The following FKBP10 variants were observed in gnomAD, a reference collection of about 807,000 sequenced individuals.
FKBP10 encodes FKBP prolyl isomerase 10.
FKBP10 carries 34 observed loss-of-function variants against 53.7 expected under a neutral mutation model. The observed-to-expected ratio is 0.63, with a 90% CI of 0.48 to 0.84. FKBP10 has a LOEUF of 0.84. Among genes scored for constraint, FKBP10 ranks in the 40% least tolerant of loss-of-function variants. The pLI is 0.00. For synonymous variants in FKBP10, 324 were observed against 335.7 expected (o/e 0.97, Z 0.38); for missense variants, 748 against 797.8 (o/e 0.94, Z 0.75).
At chr17:41,822,073 C>T (rs1000517853) in intron 9 of FKBP10, 150 bp from the exon 10 acceptor site, 3 of 868,022 alleles carry the variant, frequency 3.5e-6, no homozygotes, top group Middle Eastern at 6.3e-4. Context: ...AGCACCAGTG[C>T]CTTTCCCAGC....
chr17:41,814,778 G>A (rs538952990), intron 1 of FKBP10, among the ~76,000 whole-genome samples: 3 of 152,146 alleles, frequency 2.0e-5, no homozygotes, highest in Non-Finnish European at 4.4e-5. Context: ...TCACTCTGTC[G>A]CCCAGGCTGG....
chr17:41,817,065 C>T lies in FKBP10; in HGVS notation c.253C>T (p.Arg85Cys), dbSNP rs150313949. The T allele has an allele frequency of 3.8e-5, 62 of 1,613,938 alleles. No homozygotes were observed. The highest frequency in any genetic ancestry group is 4.9e-5 in the Non-Finnish European group (58 of 1,180,040). The change falls in exon 2 of 10, where the codon CGC becomes TGC. Residue 85 changes from arginine to cysteine, a missense_variant. Arg to Cys is a radical substitution (Grantham distance 180). Transcript: ENST00000321562. ...CTGTCCCTCCCCCCCCAGCTATGATCGCAACACCTTGGTGGCCATCGTGGT... is the reference window on the plus strand; with the variant it reads ...CTGTCCCTCCCCCCCCAGCTATGATTGCAACACCTTGGTGGCCATCGTGGT... ...DGKKFDSSYD[R>C]NTLVAIVVGV...
intron 9 of FKBP10, 101 bp from the exon 10 acceptor site, chr17:41,822,122 A>C: frequency 8.3e-7 from 1 of 1,205,572 alleles, no homozygotes; most frequent in Non-Finnish European, 1.2e-6. Flanking sequence ...CCTGGGAAAA[A>C]AGAAGAAAAA....
Position 41,821,012 on chromosome 17 carries a change from C to G in FKBP10, c.1322C>G (p.Thr441Arg). The G allele has an allele frequency of 1.2e-6, 2 of 1,606,566 alleles. No homozygotes were observed. Among genetic ancestry groups the G allele is most frequent in the Non-Finnish European group, 1.7e-6 (2 of 1,176,870 alleles). ...AACAAGGTGATCGAAGGCCTGGACA[C>G]GGGCCTGCAGGGCATGTGTGTGGGA... is the stretch of plus-strand genomic sequence containing the variant. The part of the protein sequence containing the change: ...GANKVIEGLD[T>R]GLQGMCVGER... Residue 441 changes from threonine (T) to arginine (R), a missense_variant, in exon 8 of 10, where the codon ACG becomes AGG. Coordinates refer to ENST00000321562, the MANE Select transcript of FKBP10 (RefSeq NM_021939.4).
At position 41,813,231 on chromosome 17, in the gene FKBP10, G is replaced by A. The variant is rs1239666134; in HGVS notation, c.197G>A (p.Arg66His). 2 of 1,613,640 alleles carry A rather than the reference G, an allele frequency of 1.2e-6. No homozygotes were observed. The highest frequency in any genetic ancestry group is 1.7e-5 in the Admixed American group (1 of 60,008). Residue 66 changes from arginine (R) to histidine (H), a missense_variant, in exon 1 of 10, where the codon CGC (arginine) becomes CAC (histidine). Transcript: ENST00000321562. Reference protein sequence around the residue: ...PREVQMGDFVRYHYNGTFEDG... With the variant: ...PREVQMGDFVHYHYNGTFEDG... ...GAAGTGCAGATGGGGGATTTTGTGCGCTACCACTACAACGGCACTTTTGAA... is the reference window on the plus strand; with the variant it reads ...GAAGTGCAGATGGGGGATTTTGTGCACTACCACTACAACGGCACTTTTGAA...
intron 1 of FKBP10, among the ~76,000 whole-genome samples, chr17:41,815,331 C>A (rs1471010963): frequency 1.3e-5 from 2 of 150,944 alleles, no homozygotes; most frequent in Non-Finnish European, 3.0e-5. Context: ...CTTAATTTTT[C>A]ATATTTTAGT....
chr17:41,816,993 G>T, intron 1 of FKBP10, 65 bp from the exon 2 acceptor site: 1 of 1,611,304 alleles, frequency 6.2e-7, no homozygotes, highest in Non-Finnish European at 8.5e-7. Context: ...CTGTGCATCT[G>T]TGCCACCATG....
At position 41,822,394 on chromosome 17, in the gene FKBP10, C is replaced by T. The variant is rs1555617395; in HGVS notation, c.1735C>T (p.His579Tyr). ...LKSDEDEERVHEEL is the reference protein window; with the variant it reads ...LKSDEDEERVYEEL ...GTCAGATGAGGACGAGGAGCGGGTCCACGAGGAGCTCTGAGGGGCAGGGAG... is the reference window on the plus strand; with the variant it reads ...GTCAGATGAGGACGAGGAGCGGGTCTACGAGGAGCTCTGAGGGGCAGGGAG... Residue 579 changes from histidine (H) to tyrosine (Y), a missense_variant, in exon 10 of 10, where the codon CAC becomes TAC. Physicochemically the swap from His to Tyr is moderately conservative, Grantham distance 83. Coordinates refer to ENST00000321562, the MANE Select transcript of FKBP10 (RefSeq NM_021939.4). The T allele has an allele frequency of 6.2e-7, 1 of 1,607,122 alleles. No individual in the cohort carries two copies. The highest frequency in any genetic ancestry group is 1.3e-5 in the African/African-American group (1 of 74,824).
Position 41,818,210 on chromosome 17 carries a change from C to T in FKBP10, c.513C>T (p.Val171=), listed in dbSNP as rs1567854408. 6.2e-7 allele frequency: 1 copy of T among 1,613,602 alleles called. No individual in the cohort carries two copies. Among genetic ancestry groups the T allele is most frequent in the Non-Finnish European group, 8.5e-7 (1 of 1,180,018 alleles). The change falls in exon 3 of 10, where the codon GTC becomes GTT. Residue 171 remains valine, a synonymous_variant. Transcript: ENST00000321562. ...LLRPPHCPRM[V]QDGDFVRYHY... ...GCCCGCCCCACTGCCCCCGCATGGTCCAGGACGGCGACTTTGTCCGCTACC... is the reference window on the plus strand; with the variant it reads ...GCCCGCCCCACTGCCCCCGCATGGTTCAGGACGGCGACTTTGTCCGCTACC...
chr17:41,820,625 G>A lies in FKBP10; in HGVS notation c.1256+164G>A, dbSNP rs35114175. The A allele has an allele frequency of 0.15, 110,927 of 763,754 alleles. 8,933 individuals carry two copies. The highest frequency in any genetic ancestry group is 0.16 in the East Asian group (6,150 of 39,090). The allele number at this position is 763,754 out of a possible 1,614,324, so 47.3% of individuals were successfully genotyped here. A position where few individuals can be genotyped will look rare whatever the true frequency, so the allele number is the denominator to read the frequency against. On this transcript the variant is annotated intron_variant, in intron 7 of 9. Coordinates refer to ENST00000321562, the MANE Select transcript of FKBP10 (RefSeq NM_021939.4). ...GTAAGTCCCCATCTCGGAGCATGTCGAGGAGATGAAATTCTCTGCTTCGCA... is the reference window on the plus strand; with the variant it reads ...GTAAGTCCCCATCTCGGAGCATGTCAAGGAGATGAAATTCTCTGCTTCGCA...
intron 1 of FKBP10, among the ~76,000 whole-genome samples, chr17:41,816,754 G>T (rs1043129513): frequency 1.3e-5 from 2 of 152,182 alleles, no homozygotes; most frequent in African/African-American, 2.4e-5. Context: ...CCCACTTGCT[G>T]TCAGCAAATA....
rs116142981 is a variant in FKBP10 at position 41,820,342 on chromosome 17, G to A, written c.1137G>A (p.Val379=). ...HVIDFHNPAD[V]VEIRTLSRPS... ...TTGACTTCCACAACCCTGCGGATGT[G>A]GTGGAAATCAGGACACTGTCCCGGC... is the stretch of plus-strand genomic sequence containing the variant. The change falls in exon 7 of 10, where the codon GTG becomes GTA. Residue 379 remains valine (V), a synonymous_variant. Coordinates refer to ENST00000321562, the MANE Select transcript of FKBP10 (RefSeq NM_021939.4). The A allele has an allele frequency of 2.4e-4, 395 of 1,614,186 alleles. 4 individuals are homozygous for A. In the African/African-American group the frequency reaches 4.6e-3, roughly 19 times the overall value.
chr17:41,820,133 A>C, intron 6 of FKBP10, 136 bp from the exon 7 acceptor site: 9 of 1,251,788 alleles, frequency 7.2e-6, no homozygotes, highest in Non-Finnish European at 1.0e-5. Flanking sequence ...TTGACTCTGG[A>C]CAAACATCCC....
At chr17:41,815,776 G>T (rs2047808286) in intron 1 of FKBP10, among the ~76,000 whole-genome samples, 1 of 63,392 alleles carries the variant, frequency 1.6e-5, no homozygotes, top group Admixed American at 2.1e-4. Context: ...TTAACCCATG[G>T]CCCCTTCAAT....
Position 41,819,867 on chromosome 17 carries a change from G to A in FKBP10, c.1063+192G>A, listed in dbSNP as rs147015741. 3.2e-4 allele frequency: 486 copies of A among 1,540,754 alleles called. 2 individuals carry two copies. In the African/African-American group the frequency reaches 5.8e-3, roughly 18 times the overall value. ...CTCCATCGGTTTCCTCCAGGGCAGC[G>A]CCCCACTTCGCCCCTTCCGCAGTGG... On this transcript the variant is annotated intron_variant, in intron 6 of 9. Transcript: ENST00000321562.
intron 2 of FKBP10, among the ~76,000 whole-genome samples, chr17:41,817,599 T>G (rs2047832308): frequency 6.6e-6 from 1 of 151,384 alleles, no homozygotes; most frequent in Non-Finnish European, 1.5e-5. Context: ...AATTCCACCC[T>G]GTGTGACAGA....
Position 41,813,075 on chromosome 17 carries a change from T to TC in FKBP10, c.46dup (p.Leu16ProfsTer59). On this transcript the variant is annotated frameshift_variant, in exon 1 of 10. Transcript: ENST00000321562. LOFTEE classifies it high-confidence loss of function. ...CCCCCCAGCCACAGCCTCCTCCGGC[T>TC]CCCCCTGCTGCAGTTGCTGCTACTG... 6.2e-7 allele frequency: 1 copy of TC among 1,610,202 alleles called. No individual in the cohort carries two copies. The highest frequency in any genetic ancestry group is 8.5e-7 in the Non-Finnish European group (1 of 1,179,622).
chr17:41,821,618 C>T (rs1555617101), intron 8 of FKBP10, 36 bp from the exon 9 acceptor site: 3 of 1,612,172 alleles, frequency 1.9e-6, no homozygotes, highest in African/African-American at 1.3e-5. Flanking sequence ...CCCGGCCTGA[C>T]TAGGACCCCT....
intron 6 of FKBP10, 43 bp downstream of exon 6, chr17:41,819,718 C>T (rs782550033): frequency 5.7e-6 from 9 of 1,573,210 alleles, no homozygotes; most frequent in Non-Finnish European, 7.8e-6. Context: ...CTCCTCCGAA[C>T]TGCCCATTGT....
Sources: gnomAD v4.1 joint callset for allele counts (sites outside exome capture counted in the v4.1 genomes callset) on GRCh38, gnomAD v4.1.1 for gene constraint, MANE v1.5 for transcripts, NCBI Gene and HGNC (gene_info 2026-07-23, HGNC 2026-07-21) for gene names.